The following SOBP variants were observed in gnomAD, a reference collection of about 807,000 sequenced individuals.
SOBP encodes the protein sine oculis-binding protein homolog.
In SOBP, 4 loss-of-function variants were observed where a neutral mutation model predicts 53.6. The ratio of observed to expected loss-of-function variants is 0.07; its 90% CI spans 0.04 to 0.17. The LOEUF is 0.17. Ranked by LOEUF, SOBP falls within the 10% of genes least tolerant of loss-of-function variation. The pLI is 1.00. For missense variants in SOBP, 1,088 were observed against 1,204.7 expected, an observed-to-expected ratio of 0.90 and a Z score of 1.43; for synonymous variants, 584 against 522.6, an observed-to-expected ratio of 1.12 and a Z score of -1.60.
chr6:107,598,204 T>C (rs896164602), intron 5 of SOBP, among the ~76,000 whole-genome samples: 3 of 152,222 alleles, frequency 2.0e-5, no homozygotes, highest in Non-Finnish European at 2.9e-5. Context: ...ACTACGCTTA[T>C]ATGAACAATG....
intron 6 of SOBP, among the ~76,000 whole-genome samples, chr6:107,645,519 C>T (rs1395361061): frequency 9.1e-6 from 1 of 109,752 alleles, no homozygotes; most frequent in African/African-American, 3.5e-5. Context: ...GAACTAATAA[C>T]CTACTGAGAG....
At chr6:107,626,997 C>T (rs530483587) in intron 5 of SOBP, among the ~76,000 whole-genome samples, 10 of 152,252 alleles carry the variant, frequency 6.6e-5, no homozygotes, top group Admixed American at 6.5e-4. Context: ...TTTCTGTGCC[C>T]TCTCAGGACC....
Position 107,634,091 on chromosome 6 carries a change from C to G in SOBP, c.1247C>G (p.Pro416Arg). ...CGCCCGCCCTTCATCCGCGGGCCTC[C>G]GCACCATGCCTCCAACCCCAACAGC... ...QIRPPFIRGP[P>R]HHASNPNSPL... Residue 416 changes from proline (P) to arginine (R), a missense_variant, in exon 6 of 7, where the codon CCG becomes CGG. Pro to Arg is a moderately radical substitution (Grantham distance 103, BLOSUM62 -2). Around this residue, in one of 6 missense-constraint regions of SOBP, gnomAD observed 211 missense variants for 258.9 expected, o/e 0.82. Transcript: ENST00000317357. The surrounding 1 kb of genome is among the most constrained non-coding windows in gnomAD (Gnocchi z 4.5). 2 of 1,600,738 alleles carry G rather than the reference C, an allele frequency of 1.2e-6. No individual in the cohort carries two copies. The highest frequency in any genetic ancestry group is 2.2e-5 in the East Asian group (1 of 44,706).
intron 4 of SOBP, among the ~76,000 whole-genome samples, chr6:107,574,611 G>A (rs908439503): frequency 6.6e-6 from 1 of 152,060 alleles, no homozygotes; most frequent in Non-Finnish European, 1.5e-5. Flanking sequence ...CCATCTCTAC[G>A]CAGGGTTTCT....
At chr6:107,567,870 C>A (rs893656669) in intron 4 of SOBP, among the ~76,000 whole-genome samples, 1 of 152,114 alleles carries the variant, frequency 6.6e-6, no homozygotes, top group Non-Finnish European at 1.5e-5. Context: ...CCAAGGAGAG[C>A]TAGAAAAGGG....
At chr6:107,647,465 T>A (rs897147664) in intron 6 of SOBP, among the ~76,000 whole-genome samples, 1 of 152,208 alleles carries the variant, frequency 6.6e-6, no homozygotes, top group African/African-American at 2.4e-5. Context: ...AGTTAAAATG[T>A]CCGGGAGCTA....
chr6:107,635,060 A>AGCCGCCTCCCGAGCAGCCGCC lies in SOBP; in HGVS notation c.2223_2243dup (p.Glu743_Pro749dup). On this transcript the variant is annotated inframe_insertion, in exon 6 of 7. Coordinates refer to ENST00000317357, the MANE Select transcript of SOBP (RefSeq NM_018013.4). The surrounding 1 kb of genome is among the most constrained non-coding windows in gnomAD (Gnocchi z 4.5). ...GCCGCCGAGGGCGCTAAGAGCGCGGAGCCGCCTCCCGAGCAGCCGCCGCCG... is the reference window on the plus strand; with the variant it reads ...GCCGCCGAGGGCGCTAAGAGCGCGGAGCCGCCTCCCGAGCAGCCGCCGCCGCCTCCCGAGCAGCCGCCGCCG... The AGCCGCCTCCCGAGCAGCCGCC allele has an allele frequency of 6.5e-7, 1 of 1,529,060 alleles. No individual in the cohort carries two copies. Among genetic ancestry groups the AGCCGCCTCCCGAGCAGCCGCC allele is most frequent in the South Asian group, 1.2e-5 (1 of 82,594 alleles). 94.7% of individuals were successfully genotyped at this position (1,529,060 alleles called of 1,614,324 possible). A position where few individuals can be genotyped will look rare whatever the true frequency, so the allele number is the denominator to read the frequency against.
Position 107,568,319 on chromosome 6 carries a change from A to G in SOBP, c.574-18761A>G, listed in dbSNP as rs1183118801. 2.6e-5 allele frequency among the ~76,000 whole-genome samples: 4 copies of G among 152,334 alleles called. No homozygotes were observed. The East Asian group carries it at 5.8e-4, about 22-fold the overall frequency. Reference sequence around the variant, plus strand: ...GCCTGTGGAGTCCTTACAAAACACAATTTTAAAAATATGTATTTTATTGTT... The same window carrying G: ...GCCTGTGGAGTCCTTACAAAACACAGTTTTAAAAATATGTATTTTATTGTT... On this transcript the variant is annotated intron_variant, in intron 4 of 6. Coordinates refer to ENST00000317357, the MANE Select transcript of SOBP (RefSeq NM_018013.4).
At chr6:107,576,431 A>G (rs1785226360) in intron 4 of SOBP, among the ~76,000 whole-genome samples, 2 of 152,210 alleles carry the variant, frequency 1.3e-5, no homozygotes, top group Non-Finnish European at 2.9e-5. Flanking sequence ...GGACAACATT[A>G]TGCAATGCTG....
chr6:107,532,126 C>T (rs187702922), intron 3 of SOBP, among the ~76,000 whole-genome samples: 4 of 152,000 alleles, frequency 2.6e-5, no homozygotes, highest in African/African-American at 4.8e-5. Flanking sequence ...CAACACTATA[C>T]GAGTGCTTGT....
At chr6:107,546,751 G>A (rs191261769) in intron 4 of SOBP, among the ~76,000 whole-genome samples, 171 of 152,340 alleles carry the variant, frequency 1.1e-3, no homozygotes, top group African/African-American at 3.7e-3. Flanking sequence ...TATGTCTTGA[G>A]TTAGCATTTG....
At chr6:107,558,130 T>A (rs995949860) in intron 4 of SOBP, 1 of 152,242 alleles carries the variant, frequency 6.6e-6, no homozygotes, top group East Asian at 1.9e-4. Flanking sequence ...TTTAGTCTTT[T>A]CATTTGATCT....
At chr6:107,580,107 C>G (rs1021623015) in intron 4 of SOBP, among the ~76,000 whole-genome samples, 2 of 152,180 alleles carry the variant, frequency 1.3e-5, no homozygotes, top group Non-Finnish European at 2.9e-5. Flanking sequence ...GGCAAGGGAT[C>G]CTTAGGCAGA....
chr6:107,563,677 G>GA (rs1195519315), intron 4 of SOBP, among the ~76,000 whole-genome samples: 333 of 141,718 alleles, frequency 2.3e-3, no homozygotes, highest in South Asian at 7.8e-3. Context: ...TATTTCTATT[G>GA]AAAAAAAAAA....
chr6:107,600,902 AC>A (rs1215526608), intron 5 of SOBP, among the ~76,000 whole-genome samples: 2 of 152,168 alleles, frequency 1.3e-5, no homozygotes, highest in African/African-American at 4.8e-5. Flanking sequence ...ACAGATTTCT[AC>A]CCCTCATTTT....
At chr6:107,504,412 G>A (rs1042167224) in intron 2 of SOBP, among the ~76,000 whole-genome samples, 1 of 152,178 alleles carries the variant, frequency 6.6e-6, no homozygotes, top group Admixed American at 6.5e-5. Flanking sequence ...AAATTACAGA[G>A]CCTTGGCAGA....
At chr6:107,643,909 T>A (rs867224113) in intron 6 of SOBP, among the ~76,000 whole-genome samples, 1 of 152,224 alleles carries the variant, frequency 6.6e-6, no homozygotes, top group Admixed American at 6.5e-5. Context: ...TATTATTTTT[T>A]AAATGTATTA....
chr6:107,520,906 T>G (rs1783466162), intron 3 of SOBP, among the ~76,000 whole-genome samples: 1 of 152,042 alleles, frequency 6.6e-6, no homozygotes, highest in South Asian at 2.1e-4. Flanking sequence ...ACAAGAGGTG[T>G]CCCATACACA....
chr6:107,631,312 T>C (rs1770707114), intron 5 of SOBP, among the ~76,000 whole-genome samples: 1 of 152,238 alleles, frequency 6.6e-6, no homozygotes, highest in Non-Finnish European at 1.5e-5. Context: ...GAAGCTATTT[T>C]TGATCCTTCA....
Sources: gnomAD v4.1 joint callset for allele counts (sites outside exome capture counted in the v4.1 genomes callset) on GRCh38, gnomAD v4.1.1 for gene constraint, gnomAD v4.1.1 regional missense constraint, Gnocchi (gnomAD v3.1) non-coding constraint, MANE v1.5 for transcripts, NCBI Gene and HGNC (gene_info 2026-07-23, HGNC 2026-07-21) for gene names.